Variants in MYO3A observed in about 807,000 individuals in gnomAD.
MYO3A encodes the protein myosin-IIIa.
A neutral mutation model predicts 192.7 loss-of-function variants in MYO3A; 180 were observed. The ratio of observed to expected loss-of-function variants is 0.93; its 90% confidence interval spans 0.83 to 1.06. The LOEUF is 1.06. Ranked by LOEUF, MYO3A falls within the 50% of genes least tolerant of loss-of-function variation. The pLI is 0.00. For synonymous variants in MYO3A, 628 were observed against 645.3 expected, an observed-to-expected ratio of 0.97 and a Z score of 0.41; for missense variants, 1,896 against 1,905.0, an observed-to-expected ratio of 1.00 and a Z score of 0.09.
At position 26,050,068 on chromosome 10, in the gene MYO3A, T is replaced by C. The variant is rs550011838; in HGVS notation, c.954-16907T>C. Reference sequence around the variant, plus strand: ...TACAGAGGACTGTAAAAGAAATGTCTTTTTAGTCTTTTTTTTCTAGGTTCT... The same window carrying C: ...TACAGAGGACTGTAAAAGAAATGTCCTTTTAGTCTTTTTTTTCTAGGTTCT... On this transcript the variant is annotated intron_variant, in intron 10 of 34. Transcript: ENST00000642920. 5.3e-5 allele frequency among the ~76,000 whole-genome samples: 8 copies of C among 152,184 alleles called. No individual in the cohort carries two copies. The South Asian group carries it at 1.5e-3, about 28-fold the overall frequency.
chr10:26,154,130 A>G (rs1378314518), intron 24 of MYO3A, among the ~76,000 whole-genome samples: 2 of 152,028 alleles, frequency 1.3e-5, no homozygotes, highest in African/African-American at 2.4e-5. Context: ...ATATATTAAT[A>G]TTTCCAACTC....
chr10:26,045,405 G>C (rs1464037177), intron 10 of MYO3A, among the ~76,000 whole-genome samples: 1 of 148,260 alleles, frequency 6.7e-6, no homozygotes, highest in Non-Finnish European at 1.5e-5. Flanking sequence ...TAGATAGATA[G>C]ATAGATAGAT....
chr10:26,057,063 A>G (rs1291287755), intron 10 of MYO3A, among the ~76,000 whole-genome samples: 1 of 152,244 alleles, frequency 6.6e-6, no homozygotes, highest in African/African-American at 2.4e-5. Flanking sequence ...TGAAATCTAA[A>G]GAGGGCAGTT....
chr10:26,176,020 C>G (rs759123192), intron 30 of MYO3A, among the ~76,000 whole-genome samples: 13 of 152,108 alleles, frequency 8.5e-5, no homozygotes, highest in Non-Finnish European at 1.9e-4. Context: ...GAAGGCCGGG[C>G]GCGGTGGCTC....
chr10:26,121,299 T>C (rs773323075), intron 18 of MYO3A, among the ~76,000 whole-genome samples: 1 of 151,988 alleles, frequency 6.6e-6, no homozygotes, highest in Non-Finnish European at 1.5e-5. Context: ...ATAGTAGAGT[T>C]TGATAAATTA....
chr10:26,157,919 G>C (rs1306896731), intron 26 of MYO3A, among the ~76,000 whole-genome samples: 1 of 152,132 alleles, frequency 6.6e-6, no homozygotes, highest in Non-Finnish European at 1.5e-5. Flanking sequence ...GTAGGGGCGT[G>C]GGGGGATGCT....
At chr10:26,057,161 A>C (rs34353852) in intron 10 of MYO3A, among the ~76,000 whole-genome samples, 71,697 of 151,818 alleles carry the variant, frequency 0.47, 17,749 homozygotes, top group Middle Eastern at 0.59. Flanking sequence ...AGTGAATGTA[A>C]ATAAGGAAGG....
At chr10:26,063,057 G>T (rs192184070) in intron 10 of MYO3A, among the ~76,000 whole-genome samples, 63 of 152,286 alleles carry the variant, frequency 4.1e-4, no homozygotes, top group African/African-American at 1.5e-3. Flanking sequence ...GTCTCCTGCG[G>T]AGGGGTAAAT....
chr10:26,183,809 T>G (rs1043219113), intron 31 of MYO3A, among the ~76,000 whole-genome samples: 20 of 151,964 alleles, frequency 1.3e-4, no homozygotes, highest in Non-Finnish European at 1.0e-4. Context: ...TAGTAACACA[T>G]CCCCTAAGTT....
At chr10:26,021,710 T>C in intron 8 of MYO3A, 62 bp downstream of exon 8, 1 of 1,589,344 alleles carries the variant, frequency 6.3e-7, no homozygotes, top group Non-Finnish European at 8.6e-7. Context: ...AGCCACCAAG[T>C]GTTCATCATG....
intron 18 of MYO3A, among the ~76,000 whole-genome samples, chr10:26,124,534 C>T (rs144005591): frequency 6.6e-6 from 1 of 152,280 alleles, no homozygotes; most frequent in East Asian, 1.9e-4. Flanking sequence ...GCCTATCGTA[C>T]TTCCACGATA....
In MYO3A at chr10:26,174,329, C is replaced by T. The variant is rs199534107; in HGVS notation, c.4065C>T (p.Ser1355=). ...EEDKAAVFIQ[S]KYRGYKRRQQ... ...ATAAAGCAGCGGTATTCATTCAGAGCAAATACCGGGGTTACAAGAGAAGGC... is the reference window on the plus strand; with the variant it reads ...ATAAAGCAGCGGTATTCATTCAGAGTAAATACCGGGGTTACAAGAGAAGGC... The change falls in exon 30 of 35, where the codon AGC becomes AGT. Residue 1355 remains serine, a synonymous_variant. Coordinates refer to ENST00000642920, the MANE Select transcript of MYO3A (RefSeq NM_017433.5). 1 of 1,614,120 alleles carries T rather than the reference C, an allele frequency of 6.2e-7. No individual in the cohort carries two copies. Among genetic ancestry groups the T allele is most frequent in the Non-Finnish European group, 8.5e-7 (1 of 1,180,016 alleles).
chr10:26,067,149 G>T, intron 11 of MYO3A, 75 bp downstream of exon 11: 1 of 924,396 alleles, frequency 1.1e-6, no homozygotes. Flanking sequence ...GGTATTGGTA[G>T]AAGGGGAAGG....
At chr10:26,102,947 A>G (rs1344310341) in intron 17 of MYO3A, among the ~76,000 whole-genome samples, 1 of 152,212 alleles carries the variant, frequency 6.6e-6, no homozygotes, top group African/African-American at 2.4e-5. Context: ...GGGACGTTTA[A>G]GTCTGTAGAA....
intron 4 of MYO3A, among the ~76,000 whole-genome samples, chr10:25,968,797 T>C (rs1838421493): frequency 6.6e-6 from 1 of 152,234 alleles, no homozygotes; most frequent in Non-Finnish European, 1.5e-5. Flanking sequence ...GTGGTCCTGC[T>C]CCATCCCACC....
Position 26,083,467 on chromosome 10 carries a change from T to G in MYO3A, c.1360-4736T>G, listed in dbSNP as rs570424938. Reference sequence around the variant, plus strand: ...GATAATTTTACTTCTTCCTTTCTGATTTGGGTGCCTTTTATTTCTTTATCT... The same window carrying G: ...GATAATTTTACTTCTTCCTTTCTGAGTTGGGTGCCTTTTATTTCTTTATCT... On this transcript the variant is annotated intron_variant, in intron 14 of 34. Coordinates refer to ENST00000642920, the MANE Select transcript of MYO3A (RefSeq NM_017433.5). 2.8e-4 allele frequency among the ~76,000 whole-genome samples: 43 copies of G among 152,326 alleles called. No homozygotes were observed. In the South Asian group the frequency reaches 4.8e-3, roughly 17 times the overall value.
At chr10:26,153,779 A>ACAT (rs1840938388) in intron 23 of MYO3A, 71 bp from the exon 24 acceptor site, 1 of 1,009,610 alleles carries the variant, frequency 9.9e-7, no homozygotes, top group Non-Finnish European at 1.6e-6. Context: ...TTAACATTTA[A>ACAT]GTAAATGGGA....
At chr10:26,098,021 A>G (rs1373442998) in intron 17 of MYO3A, among the ~76,000 whole-genome samples, 2 of 152,216 alleles carry the variant, frequency 1.3e-5, no homozygotes, top group African/African-American at 4.8e-5. Context: ...GAACTAGTTT[A>G]CAGTCCCACC....
At position 26,198,536 on chromosome 10, in the gene MYO3A, C is replaced by T. The variant is rs889160368; in HGVS notation, c.4546-2729C>T. The stretch of plus-strand genomic sequence containing the variant: ...TTGGCCACTCCAAAGTCTTTTTCTT[C>T]CTAACTTCAACGTTTAGCTCCTTCA... On this transcript the variant is annotated intron_variant, in intron 32 of 34. Transcript: ENST00000642920. 1.6e-4 allele frequency among the ~76,000 whole-genome samples: 25 copies of T among 152,176 alleles called. 1 individual carries two copies. The highest frequency in any genetic ancestry group is 6.0e-4 in the African/African-American group (25 of 41,430).
Sources: allele counts gnomAD v4.1 joint callset (sites outside exome capture counted in the v4.1 genomes callset), GRCh38; gene constraint gnomAD v4.1.1; transcripts MANE v1.5; gene names NCBI Gene and HGNC (gene_info 2026-07-23, HGNC 2026-07-21).